LNX1: variants seen among roughly 807,000 people sequenced by gnomAD.
LNX1 encodes the protein E3 ubiquitin-protein ligase LNX.
Under a neutral mutation model 68.4 loss-of-function variants are expected in LNX1, and 54 were observed. The observed-to-expected ratio is 0.79, with a 90% CI of 0.63 to 0.99. The LOEUF (loss-of-function observed/expected upper bound fraction) is 0.99, where lower values mean the gene tolerates loss of function less well. LNX1 is among the 50% of genes least tolerant of loss of function. LNX1 has a pLI of 0.00. For synonymous variants in LNX1, 336 were observed against 350.0 expected, an observed-to-expected ratio of 0.96 and a Z score of 0.45; for missense variants, 906 against 926.4, an observed-to-expected ratio of 0.98 and a Z score of 0.29.
chr4:53,585,186 T>C (rs1732087093), intron 1 of LNX1, among the ~76,000 whole-genome samples: 1 of 152,204 alleles, frequency 6.6e-6, no homozygotes, highest in South Asian at 2.1e-4. Context: ...CAATCTATGA[T>C]GGTTTTTACT....
chr4:53,641,285 TCTC>T (rs1734672885), intron 1 of LNX1, among the ~76,000 whole-genome samples: 1 of 152,202 alleles, frequency 6.6e-6, no homozygotes, highest in Non-Finnish European at 1.5e-5. Context: ...TCTGATCTAA[TCTC>T]TTCTGGCCCC....
At chr4:53,588,275 G>A (rs1407822895) in intron 1 of LNX1, among the ~76,000 whole-genome samples, 1 of 152,152 alleles carries the variant, frequency 6.6e-6, no homozygotes, top group Non-Finnish European at 1.5e-5. Context: ...CTGATACACA[G>A]ACCTGTCTGA....
chr4:53,586,900 T>A (rs1274287044), intron 1 of LNX1, among the ~76,000 whole-genome samples: 1 of 152,222 alleles, frequency 6.6e-6, no homozygotes, highest in East Asian at 1.9e-4. Context: ...GTTTTTTCAT[T>A]TAATCTAAAA....
chr4:53,650,217 G>A (rs770234229), intron 1 of LNX1, among the ~76,000 whole-genome samples: 14 of 152,134 alleles, frequency 9.2e-5, no homozygotes, highest in Admixed American at 3.3e-4. Context: ...AATGCATAGC[G>A]CGTGTCACAG....
intron 2 of LNX1, among the ~76,000 whole-genome samples, chr4:53,555,497 T>C (rs1729845708): frequency 6.6e-6 from 1 of 152,204 alleles, no homozygotes; most frequent in Non-Finnish European, 1.5e-5. Context: ...AAATGACTTA[T>C]TTCCATCTGC....
In LNX1 at chr4:53,553,897, T is replaced by G. The variant is rs181500558; in HGVS notation, c.380+19726A>C. On this transcript the variant is annotated intron_variant, in intron 2 of 10. Transcript: ENST00000263925. Reference sequence around the variant, plus strand: ...TATAAACACACCTGATAGCAATAACTTAAGCATACCCTGAGACTGACCCTG... The same window carrying G: ...TATAAACACACCTGATAGCAATAACGTAAGCATACCCTGAGACTGACCCTG... Among the ~76,000 whole-genome samples the G allele has an allele frequency of 2.4e-4, 36 of 152,298 alleles. No homozygotes were observed. The East Asian group carries it at 6.9e-3, about 29-fold the overall frequency.
chr4:53,460,323 G>T lies in LNX1; in HGVS notation c.*584C>A, dbSNP rs1483194100. ...AATTCTCTGAGCGAGCATTTTTAGGGATAAGCCTAGGAGGTATTCATCGGT... is the reference window on the plus strand; with the variant it reads ...AATTCTCTGAGCGAGCATTTTTAGGTATAAGCCTAGGAGGTATTCATCGGT... On this transcript the variant is annotated 3_prime_UTR_variant, in exon 11 of 11. Coordinates refer to ENST00000263925, the MANE Select transcript of LNX1 (RefSeq NM_001126328.3). 1 of 189,240 alleles carries T rather than the reference G, an allele frequency of 5.3e-6. No individual in the cohort carries two copies. Among genetic ancestry groups the T allele is most frequent in the Admixed American group, 6.2e-5 (1 of 16,256 alleles). 11.7% of individuals were successfully genotyped at this position (189,240 alleles called of 1,614,324 possible).
At chr4:53,593,074 T>A (rs1732587179), upstream of LNX1, 1 of 152,134 alleles carries the variant, frequency 6.6e-6, no homozygotes. Context: ...GAAACTAAGG[T>A]AGGTGTGGCT....
chr4:53,574,178 G>T, intron 1 of LNX1, 90 bp from the exon 2 acceptor site: 1 of 986,996 alleles, frequency 1.0e-6, no homozygotes, highest in Non-Finnish European at 1.4e-6. Flanking sequence ...GCCAATGCAT[G>T]GGGAATTGAG....
At chr4:53,545,210 A>G (rs1435217) in intron 2 of LNX1, among the ~76,000 whole-genome samples, 149,901 of 152,374 alleles carry the variant, frequency 0.98, 73,785 homozygotes, top group Middle Eastern at 1. Flanking sequence ...GCCTACTTCA[A>G]TGGGAAAATA....
intron 4 of LNX1, among the ~76,000 whole-genome samples, chr4:53,502,745 C>T (rs368893611): frequency 3.3e-5 from 5 of 152,210 alleles, no homozygotes; most frequent in African/African-American, 1.2e-4. Context: ...CAATCCTCTA[C>T]TAACCTTGCT....
chr4:53,469,289 CA>C (rs1374894248), intron 9 of LNX1, among the ~76,000 whole-genome samples: 1 of 151,978 alleles, frequency 6.6e-6, no homozygotes, highest in African/African-American at 2.4e-5. Flanking sequence ...TCTTTGAAAC[CA>C]ACGAGAACAA....
chr4:53,465,341 CTTA>C (rs1722594574), intron 9 of LNX1, among the ~76,000 whole-genome samples: 1 of 152,132 alleles, frequency 6.6e-6, no homozygotes, highest in Admixed American at 6.5e-5. Context: ...GATTAGCTTC[CTTA>C]TTATCACATA....
intron 1 of LNX1, among the ~76,000 whole-genome samples, chr4:53,578,708 C>T (rs369724914): frequency 5.3e-5 from 8 of 152,296 alleles, no homozygotes; most frequent in African/African-American, 1.9e-4. Flanking sequence ...CTTTTCCCTT[C>T]CTTTCTTTTT....
At chr4:53,577,729 T>C (rs1449877039) in intron 1 of LNX1, among the ~76,000 whole-genome samples, 1 of 152,104 alleles carries the variant, frequency 6.6e-6, no homozygotes, top group Non-Finnish European at 1.5e-5. Context: ...ATTATTTCCT[T>C]AATGCATCAT....
At chr4:53,548,780 C>T (rs1729287429) in intron 2 of LNX1, among the ~76,000 whole-genome samples, 1 of 152,098 alleles carries the variant, frequency 6.6e-6, no homozygotes, top group South Asian at 2.1e-4. Context: ...AAACTAAATG[C>T]CCATCAATGA....
chr4:53,470,109 C>G lies in LNX1; in HGVS notation c.1892+6644G>C, dbSNP rs556198387. Among the ~76,000 whole-genome samples the G allele has an allele frequency of 1.2e-4, 19 of 152,234 alleles. 1 individual carries two copies. In the South Asian group the frequency reaches 3.9e-3, roughly 32 times the overall value. ...AATCCTCAGTAAAATACTGGCAAAC[C>G]AAATCCAGCAGCACATCAAAAAGCT... is the stretch of plus-strand genomic sequence containing the variant. On this transcript the variant is annotated intron_variant, in intron 9 of 10. Coordinates refer to ENST00000263925, the MANE Select transcript of LNX1 (RefSeq NM_001126328.3).
intron 10 of LNX1, 92 bp from the exon 11 acceptor site, chr4:53,461,134 C>T (rs1722013243): frequency 1.9e-6 from 2 of 1,066,294 alleles, no homozygotes; most frequent in Admixed American, 5.8e-5. Context: ...GATTTTGCTA[C>T]ATCTGACCAT....
chr4:53,631,292 C>A (rs1016522062), intron 1 of LNX1, among the ~76,000 whole-genome samples: 2 of 152,106 alleles, frequency 1.3e-5, no homozygotes, highest in African/African-American at 4.8e-5. Context: ...ATTTCAGGTA[C>A]AACGAAACAC....
Sources: gnomAD v4.1 joint callset for allele counts (sites outside exome capture counted in the v4.1 genomes callset) on GRCh38, gnomAD v4.1.1 for gene constraint, MANE v1.5 for transcripts, NCBI Gene and HGNC (gene_info 2026-07-23, HGNC 2026-07-21) for gene names.